FSHR: variants seen among roughly 807,000 people sequenced by gnomAD.
The protein encoded by FSHR is follicle stimulating hormone receptor.
Under a neutral mutation model 52.1 loss-of-function variants are expected in FSHR, and 46 were observed. The observed-to-expected ratio is 0.88, with a 90% confidence interval of 0.70 to 1.13. The LOEUF (loss-of-function observed/expected upper bound fraction) is 1.13, where lower values mean the gene tolerates loss of function less well. FSHR is among the 50% of genes most tolerant of loss of function. The pLI is 0.00. For missense variants in FSHR, 964 were observed against 834.6 expected, an observed-to-expected ratio of 1.16 and a Z score of -1.91; for synonymous variants, 399 against 309.6, an observed-to-expected ratio of 1.29 and a Z score of -3.03.
rs56376437 is a variant in FSHR at position 49,038,634 on chromosome 2, AT to A, written c.225-18475del. 7.5e-3 allele frequency among the ~76,000 whole-genome samples: 803 copies of A among 107,534 alleles called. 68 individuals carry two copies. Among genetic ancestry groups the A allele is most frequent in the African/African-American group, 0.029 (733 of 25,288 alleles). 70.5% of individuals were successfully genotyped at this position (107,534 alleles called of 152,430 possible). A position where few individuals can be genotyped will look rare whatever the true frequency, so the allele number is the denominator to read the frequency against. On this transcript the variant is annotated intron_variant, in intron 2 of 9. Transcript: ENST00000406846. Reference sequence around the variant, plus strand: ...AGCAAGACTCTGTCTCAAAATAATAATAATAATAATAATAATAATAATAATA... The same window carrying A: ...AGCAAGACTCTGTCTCAAAATAATAAAATAATAATAATAATAATAATAATA...
chr2:49,098,501 A>G (rs1405497880), intron 1 of FSHR, among the ~76,000 whole-genome samples: 1 of 151,904 alleles, frequency 6.6e-6, no homozygotes, highest in Non-Finnish European at 1.5e-5. Flanking sequence ...AAAGACATTT[A>G]AAGTTAAGGG....
intron 8 of FSHR, among the ~76,000 whole-genome samples, chr2:48,973,551 T>A (rs1347101677): frequency 6.6e-6 from 1 of 152,250 alleles, no homozygotes; most frequent in Non-Finnish European, 1.5e-5. Context: ...AAGAAGTATT[T>A]TTTCCTTGAA....
chr2:49,073,269 G>T (rs958334568), intron 1 of FSHR, among the ~76,000 whole-genome samples: 2 of 152,014 alleles, frequency 1.3e-5, no homozygotes, highest in African/African-American at 2.4e-5. Context: ...AAGGCAAATT[G>T]TTCCTACTTG....
At chr2:48,979,845 C>T (rs1288078410) in intron 8 of FSHR, among the ~76,000 whole-genome samples, 1 of 151,902 alleles carries the variant, frequency 6.6e-6, no homozygotes, top group African/African-American at 2.4e-5. Context: ...GCGGGGACTG[C>T]AATCTGACCC....
intron 2 of FSHR, among the ~76,000 whole-genome samples, chr2:49,050,711 C>T (rs540980454): frequency 1.1e-4 from 17 of 152,234 alleles, no homozygotes; most frequent in Admixed American, 9.2e-4. Context: ...ATTTAAAACA[C>T]CTGTCCCAGA....
chr2:49,108,862 G>A (rs543789303), intron 1 of FSHR, among the ~76,000 whole-genome samples: 1 of 152,252 alleles, frequency 6.6e-6, no homozygotes, highest in East Asian at 1.9e-4. Flanking sequence ...AGGCTTTAAA[G>A]AATCCTTTAT....
intron 1 of FSHR, among the ~76,000 whole-genome samples, chr2:49,118,988 T>C (rs891481456): frequency 6.6e-6 from 1 of 152,214 alleles, no homozygotes; most frequent in Non-Finnish European, 1.5e-5. Flanking sequence ...CACTTGTCCT[T>C]GCATTCCTTC....
intron 6 of FSHR, among the ~76,000 whole-genome samples, chr2:48,985,705 T>TG (rs1418523621): frequency 1.5e-5 from 2 of 133,694 alleles, no homozygotes; most frequent in African/African-American, 5.8e-5. Flanking sequence ...AGGTTTTTTT[T>TG]TTTTTTTTTT....
chr2:49,060,822 G>A (rs1372859563), intron 2 of FSHR, among the ~76,000 whole-genome samples: 1 of 151,936 alleles, frequency 6.6e-6, no homozygotes, highest in Non-Finnish European at 1.5e-5. Flanking sequence ...ACTCCCCCCC[G>A]GCCCAAACTA....
chr2:49,110,834 G>A (rs968698566), intron 1 of FSHR, among the ~76,000 whole-genome samples: 2 of 152,064 alleles, frequency 1.3e-5, no homozygotes, highest in African/African-American at 4.8e-5. Flanking sequence ...AATGGAATTG[G>A]GTCGAAGAGT....
chr2:49,107,474 T>C (rs1201570239), intron 1 of FSHR, among the ~76,000 whole-genome samples: 1 of 152,184 alleles, frequency 6.6e-6, no homozygotes, highest in Non-Finnish European at 1.5e-5. Flanking sequence ...AAGCAGGCTC[T>C]ATATTTCACT....
chr2:48,993,718 C>T (rs139965935), intron 4 of FSHR, among the ~76,000 whole-genome samples: 3 of 152,126 alleles, frequency 2.0e-5, no homozygotes, highest in African/African-American at 7.2e-5. Context: ...TGCTATTTCC[C>T]CAGTGCGTTT....
At chr2:49,093,106 G>A (rs1468783357) in intron 1 of FSHR, among the ~76,000 whole-genome samples, 2 of 152,182 alleles carry the variant, frequency 1.3e-5, no homozygotes, top group Non-Finnish European at 2.9e-5. Context: ...TATTCATGAA[G>A]GAATATTTGT....
At chr2:49,068,541 A>T (rs998641316) in intron 1 of FSHR, among the ~76,000 whole-genome samples, 2 of 152,058 alleles carry the variant, frequency 1.3e-5, no homozygotes, top group Non-Finnish European at 2.9e-5. Flanking sequence ...CACATGGCTG[A>T]TACATGACAG....
At chr2:49,114,078 C>T (rs1458462013) in intron 1 of FSHR, among the ~76,000 whole-genome samples, 1 of 152,274 alleles carries the variant, frequency 6.6e-6, no homozygotes, top group Admixed American at 6.5e-5. Flanking sequence ...CCCAGCCTCT[C>T]TCACTGAAGA....
chr2:49,122,000 C>T (rs1195592087), intron 1 of FSHR, among the ~76,000 whole-genome samples: 1 of 152,156 alleles, frequency 6.6e-6, no homozygotes, highest in Non-Finnish European at 1.5e-5. Context: ...CTGATAACCG[C>T]TCAGTCAGGC....
chr2:49,013,708 T>C (rs1223617715), intron 4 of FSHR, among the ~76,000 whole-genome samples: 1 of 151,552 alleles, frequency 6.6e-6, no homozygotes, highest in Non-Finnish European at 1.5e-5. Context: ...ATGGGAAATC[T>C]ACATAGCAGT....
At chr2:49,069,459 TTTAATTTTTC>T (rs1669647694) in intron 1 of FSHR, among the ~76,000 whole-genome samples, 1 of 152,158 alleles carries the variant, frequency 6.6e-6, no homozygotes, top group South Asian at 2.1e-4. Flanking sequence ...TTCCTGCTGC[TTTAATTTTTC>T]TTCATAGCAA....
At chr2:49,100,245 G>T (rs1426345030) in intron 1 of FSHR, among the ~76,000 whole-genome samples, 4 of 152,220 alleles carry the variant, frequency 2.6e-5, no homozygotes, top group African/African-American at 9.6e-5. Context: ...GAACATGCTT[G>T]CTCTAGCATC....
Sources: gnomAD v4.1 joint callset for allele counts (sites outside exome capture counted in the v4.1 genomes callset) on GRCh38, gnomAD v4.1.1 for gene constraint, MANE v1.5 for transcripts, NCBI Gene and HGNC (gene_info 2026-07-23, HGNC 2026-07-21) for gene names.